Variants in DLC1 observed in about 807,000 individuals in gnomAD.
DLC1 encodes rho GTPase-activating protein 7.
Under a neutral mutation model 140.3 loss-of-function variants are expected in DLC1, and 54 were observed. That is an observed-to-expected ratio of 0.38 (90% CI 0.31 to 0.48). The LOEUF (loss-of-function observed/expected upper bound fraction) is 0.48, where lower values mean the gene tolerates loss of function less well. Among genes scored for constraint, DLC1 ranks in the 20% least tolerant of loss-of-function variants. DLC1 has a pLI of 0.96. For missense variants in DLC1, 2,536 were observed against 1,907.0 expected, an observed-to-expected ratio of 1.33 and a Z score of -6.14; for synonymous variants, 986 against 728.1, an observed-to-expected ratio of 1.35 and a Z score of -5.70.
intron 2 of DLC1, among the ~76,000 whole-genome samples, chr8:13,495,881 G>C (rs1033428781): frequency 6.6e-6 from 1 of 151,922 alleles, no homozygotes; most frequent in Non-Finnish European, 1.5e-5. Flanking sequence ...TTTTCTTCAG[G>C]TCTTAGAACT....
intron 5 of DLC1, among the ~76,000 whole-genome samples, chr8:13,119,642 C>A (rs1820867073): frequency 6.6e-6 from 1 of 152,018 alleles, no homozygotes; most frequent in African/African-American, 2.4e-5. Flanking sequence ...GAGAAGTAAC[C>A]ACCTCTCCTT....
chr8:13,369,906 T>C (rs2117112066), intron 4 of DLC1, among the ~76,000 whole-genome samples: 1 of 33,050 alleles, frequency 3.0e-5, no homozygotes, highest in East Asian at 9.5e-4. Context: ...AAGTCAGATT[T>C]AAAACTTAAA....
At chr8:13,316,997 A>C (rs1041802160) in intron 4 of DLC1, among the ~76,000 whole-genome samples, 5 of 151,426 alleles carry the variant, frequency 3.3e-5, no homozygotes, top group Non-Finnish European at 7.4e-5. Flanking sequence ...GTCTCTTCCT[A>C]TGTGGAGAGT....
chr8:13,550,226 C>T (rs553051285), intron 1 of DLC1, among the ~76,000 whole-genome samples: 87 of 152,148 alleles, frequency 5.7e-4, no homozygotes, highest in African/African-American at 2.0e-3. Context: ...GAGGGAGTCT[C>T]GAAAGATCTG....
intron 5 of DLC1, among the ~76,000 whole-genome samples, chr8:13,275,705 C>T (rs935852603): frequency 1.6e-4 from 25 of 152,158 alleles, no homozygotes; most frequent in Non-Finnish European, 3.4e-4. Context: ...ATATTTCAAA[C>T]GCCTGCCTCT....
chr8:13,133,213 G>C, intron 5 of DLC1: 1 of 1,421,042 alleles, frequency 7.0e-7, no homozygotes, highest in Non-Finnish European at 9.2e-7. Context: ...CCGTGAGCCG[G>C]CGCTCCTGAT....
chr8:13,541,269 A>G (rs908256137), intron 1 of DLC1, among the ~76,000 whole-genome samples: 1 of 150,692 alleles, frequency 6.6e-6, no homozygotes. Flanking sequence ...ACATTCACAT[A>G]CAAGTCTTTG....
intron 2 of DLC1, among the ~76,000 whole-genome samples, chr8:13,411,723 T>G (rs533048239): frequency 9.9e-4 from 151 of 152,158 alleles, no homozygotes; most frequent in Non-Finnish European, 1.8e-3. Flanking sequence ...TGAAACAAAA[T>G]AAAGAAAATG....
chr8:13,530,496 G>T (rs1357543410), intron 1 of DLC1, among the ~76,000 whole-genome samples: 2 of 152,116 alleles, frequency 1.3e-5, no homozygotes, highest in East Asian at 1.9e-4. Flanking sequence ...TCTTGGCTTT[G>T]CTGTGTGTGT....
intron 4 of DLC1, among the ~76,000 whole-genome samples, chr8:13,388,433 T>G (rs1216805915): frequency 6.6e-6 from 1 of 151,984 alleles, no homozygotes; most frequent in Non-Finnish European, 1.5e-5. Context: ...TATACATTGG[T>G]AACAATAAAT....
At chr8:13,292,977 C>G (rs1023989410) in intron 5 of DLC1, among the ~76,000 whole-genome samples, 2 of 152,208 alleles carry the variant, frequency 1.3e-5, no homozygotes, top group South Asian at 4.1e-4. Context: ...AACCCCAGCA[C>G]TTTGAGAGGC....
At chr8:13,116,350 GAC>G (rs567607996) in intron 5 of DLC1, 7 of 486,642 alleles carry the variant, frequency 1.4e-5, no homozygotes, top group Non-Finnish European at 1.9e-5. Context: ...AAGAGCAACT[GAC>G]ACACTGTGTT....
chr8:13,553,766 A>C (rs978608083), intron 1 of DLC1, among the ~76,000 whole-genome samples: 1 of 152,082 alleles, frequency 6.6e-6, no homozygotes, highest in Admixed American at 6.6e-5. Context: ...TCAGTCTTTG[A>C]TCCCTACACC....
chr8:13,091,339 G>A lies in DLC1; in HGVS notation c.3834C>T (p.Ala1278=), dbSNP rs746295250. 1.9e-5 allele frequency: 31 copies of A among 1,613,928 alleles called. No individual in the cohort carries two copies. Among genetic ancestry groups the A allele is most frequent in the Admixed American group, 1.2e-4 (7 of 59,960 alleles). Residue 1278 remains alanine (A), a synonymous_variant, in exon 14 of 18, where the codon GCC becomes GCT. Transcript: ENST00000276297. The part of the protein sequence containing the change: ...AATQGLAHMI[A]ECKKLFQVPE... ...TTACCTGGAAAAGCTTCTTGCACTC[G>A]GCGATCATATGGGCCAGCCCTTGAG...
At chr8:13,371,666 A>G (rs1352901517) in intron 4 of DLC1, among the ~76,000 whole-genome samples, 1 of 151,714 alleles carries the variant, frequency 6.6e-6, no homozygotes, top group African/African-American at 2.4e-5. Flanking sequence ...TCCAATAAAT[A>G]TTTTTTGAGC....
chr8:13,535,883 C>A (rs937317008), intron 1 of DLC1: 3 of 151,970 alleles, frequency 2.0e-5, no homozygotes, highest in African/African-American at 7.3e-5. Flanking sequence ...TCTGATGGAA[C>A]CAGCCATGCA....
At chr8:13,159,717 C>A (rs1385151138) in intron 5 of DLC1, among the ~76,000 whole-genome samples, 1 of 152,108 alleles carries the variant, frequency 6.6e-6, no homozygotes, top group African/African-American at 2.4e-5. Context: ...CAAAGTCTGT[C>A]TCCACCCAGT....
chr8:13,093,588 G>T (rs907796992), intron 12 of DLC1, among the ~76,000 whole-genome samples: 1 of 152,174 alleles, frequency 6.6e-6, no homozygotes, highest in African/African-American at 2.4e-5. Context: ...CTTTAAAAGA[G>T]CATGTGGTGG....
chr8:13,469,044 C>T (rs548991326), intron 2 of DLC1, among the ~76,000 whole-genome samples: 6 of 152,098 alleles, frequency 3.9e-5, no homozygotes, highest in South Asian at 4.2e-4. Context: ...TGGTCTCGAA[C>T]GCCTGACCTC....
Sources: gnomAD v4.1 joint callset for allele counts (sites outside exome capture counted in the v4.1 genomes callset) on GRCh38, gnomAD v4.1.1 for gene constraint, MANE v1.5 for transcripts, NCBI Gene and HGNC (gene_info 2026-07-23, HGNC 2026-07-21) for gene names.